The following SIPA1L3 variants were observed in gnomAD, a reference collection of about 807,000 sequenced individuals.
SIPA1L3 encodes signal-induced proliferation-associated 1-like protein 3.
A neutral mutation model predicts 150.1 loss-of-function variants in SIPA1L3; 59 were observed. The ratio of observed to expected loss-of-function variants is 0.39; its 90% CI spans 0.32 to 0.49. The LOEUF (loss-of-function observed/expected upper bound fraction) is 0.49. SIPA1L3 is among the 20% of genes least tolerant of loss of function. The pLI, the probability that SIPA1L3 is intolerant of heterozygous loss-of-function variation, is 0.86. For missense variants in SIPA1L3, 2,211 were observed against 2,489.5 expected, an observed-to-expected ratio of 0.89 and a Z score of 2.38; for synonymous variants, 1,070 against 1,077.6, an observed-to-expected ratio of 0.99 and a Z score of 0.14.
intron 14 of SIPA1L3, among the ~76,000 whole-genome samples, chr19:38,163,912 A>G (rs570403503): frequency 1.3e-5 from 2 of 152,242 alleles, no homozygotes; most frequent in Admixed American, 1.3e-4. Context: ...GTGGGGAATA[A>G]ACAGGGGGAT....
intron 15 of SIPA1L3, among the ~76,000 whole-genome samples, chr19:38,169,726 A>G (rs886480839): frequency 2.0e-5 from 3 of 152,252 alleles, no homozygotes; most frequent in African/African-American, 7.2e-5. Context: ...GACCTGTTAC[A>G]GGCAGTGCTG....
intron 15 of SIPA1L3, among the ~76,000 whole-genome samples, chr19:38,170,220 T>C (rs534653730): frequency 6.6e-6 from 1 of 152,158 alleles, no homozygotes; most frequent in Non-Finnish European, 1.5e-5. Context: ...GGACTCCCAC[T>C]GTCCATCTCA....
chr19:38,037,928 T>C (rs1268638714), intron 2 of SIPA1L3, among the ~76,000 whole-genome samples: 1 of 152,126 alleles, frequency 6.6e-6, no homozygotes, highest in Non-Finnish European at 1.5e-5. Context: ...TCTGTCACGG[T>C]GCCTTCATCT....
intron 2 of SIPA1L3, among the ~76,000 whole-genome samples, chr19:38,069,512 C>G (rs1487481245): frequency 6.6e-6 from 1 of 152,166 alleles, no homozygotes; most frequent in Non-Finnish European, 1.5e-5. Context: ...ACCCTCTTCT[C>G]TCTGCTCTCT....
intron 15 of SIPA1L3, among the ~76,000 whole-genome samples, chr19:38,176,374 T>G (rs192796296): frequency 4.1e-5 from 6 of 147,100 alleles, no homozygotes; most frequent in African/African-American, 7.5e-5. Flanking sequence ...TTAGGGTTGG[T>G]TTTTTTTTTG....
intron 4 of SIPA1L3, among the ~76,000 whole-genome samples, 190 bp from the exon 5 acceptor site, chr19:38,099,772 A>G (rs1970459632): frequency 1.3e-5 from 2 of 152,196 alleles, no homozygotes; most frequent in Admixed American, 1.3e-4. Context: ...ATATGAAGTC[A>G]CTTGGTCAAG....
intron 8 of SIPA1L3, among the ~76,000 whole-genome samples, chr19:38,116,073 T>G (rs949598205): frequency 6.6e-6 from 1 of 152,186 alleles, no homozygotes; most frequent in East Asian, 1.9e-4. Context: ...TCTCTATTTT[T>G]TTAAATTATC....
intron 2 of SIPA1L3, among the ~76,000 whole-genome samples, chr19:38,068,135 GC>G (rs1969638077): frequency 6.7e-6 from 1 of 150,374 alleles, no homozygotes; most frequent in Non-Finnish European, 1.5e-5. Context: ...CCATTCTCCT[GC>G]CTCAGCCTCC....
intron 9 of SIPA1L3, among the ~76,000 whole-genome samples, chr19:38,124,780 A>C (rs1301071002): frequency 1.3e-5 from 2 of 152,160 alleles, no homozygotes; most frequent in African/African-American, 4.8e-5. Flanking sequence ...CTGGCGGATC[A>C]CTCGCGGTTA....
Position 38,046,522 on chromosome 19 carries a change from G to A in SIPA1L3, c.-311+17366G>A, listed in dbSNP as rs1442710306. On this transcript the variant is annotated intron_variant, in intron 2 of 21. Coordinates refer to ENST00000222345, the MANE Select transcript of SIPA1L3 (RefSeq NM_015073.3). This position sits in a 1 kb window ranked among gnomAD's most constrained non-coding sequence, Gnocchi z 5.6. ...TGCCCTGGAAAGAGGCAGGGTGGCCGGGGAGGGGAGTTTCCAGATTACCTG... is the reference window on the plus strand; with the variant it reads ...TGCCCTGGAAAGAGGCAGGGTGGCCAGGGAGGGGAGTTTCCAGATTACCTG... 2.0e-5 allele frequency among the ~76,000 whole-genome samples: 3 copies of A among 152,322 alleles called. No homozygotes were observed. The highest frequency in any genetic ancestry group is 4.1e-4 in the South Asian group (2 of 4,824).
In SIPA1L3 at chr19:37,969,461, A is replaced by G. The variant is rs193014139; in HGVS notation, c.-378-59628A>G. Among the ~76,000 whole-genome samples, 44 of 150,560 alleles carry G rather than the reference A, an allele frequency of 2.9e-4. No homozygotes were observed. In the East Asian group the frequency reaches 8.8e-3, roughly 30 times the overall value. ...CAGCTACTTGGGAGGCTGAGGCATG[A>G]GAATTGCTTCAACCCGGGAGGTGGA... On this transcript the variant is annotated intron_variant, in intron 1 of 21. Coordinates refer to ENST00000222345, the MANE Select transcript of SIPA1L3 (RefSeq NM_015073.3).
At chr19:38,197,501 G>T (rs1025631887) in intron 18 of SIPA1L3, among the ~76,000 whole-genome samples, 25 of 151,494 alleles carry the variant, frequency 1.7e-4, no homozygotes, top group Admixed American at 1.6e-3. Context: ...ACCCCACCCC[G>T]TGTAAACACT....
intron 1 of SIPA1L3, among the ~76,000 whole-genome samples, chr19:37,932,905 G>A (rs1297318704): frequency 6.6e-6 from 1 of 152,018 alleles, no homozygotes; most frequent in Non-Finnish European, 1.5e-5. Context: ...CCCAAGAGAA[G>A]GAATCGGTGA....
intron 2 of SIPA1L3, among the ~76,000 whole-genome samples, chr19:38,043,874 G>T (rs1319576441): frequency 6.6e-6 from 1 of 152,158 alleles, no homozygotes; most frequent in Non-Finnish European, 1.5e-5. Flanking sequence ...ATAGGGGGAG[G>T]GTTCTGAGCA....
intron 12 of SIPA1L3, among the ~76,000 whole-genome samples, chr19:38,151,981 AAAT>A (rs1422128225): frequency 6.6e-6 from 1 of 151,034 alleles, no homozygotes; most frequent in Non-Finnish European, 1.5e-5. Flanking sequence ...AAAAAAAAAA[AAAT>A]AGAGAATGCC....
chr19:37,986,997 G>C (rs976939109), intron 1 of SIPA1L3, among the ~76,000 whole-genome samples: 1 of 151,956 alleles, frequency 6.6e-6, no homozygotes, highest in African/African-American at 2.4e-5. Flanking sequence ...GTGCGATCTC[G>C]GCTCACTGCA....
chr19:38,168,368 T>C lies in SIPA1L3; in HGVS notation c.4208+3462T>C, dbSNP rs187955216. On this transcript the variant is annotated intron_variant, in intron 15 of 21. Transcript: ENST00000222345. ...CACCACTACACTCCAGCCTGGGGAA[T>C]AGAATGAGACTCCATCTTAAAAAAC... 1.1e-3 allele frequency among the ~76,000 whole-genome samples: 169 copies of C among 151,536 alleles called. 1 individual carries two copies. The highest frequency in any genetic ancestry group is 3.4e-3 in the African/African-American group (139 of 41,262).
rs1394003143 is a variant in SIPA1L3 at position 38,082,433 on chromosome 19, G to C, written c.868G>C (p.Gly290Arg). The change falls in exon 3 of 22, where the codon GGC (glycine) becomes CGC (arginine). Residue 290 changes from glycine (G) to arginine (R), a missense_variant. Gly to Arg is a moderately radical substitution (Grantham distance 125). Transcript: ENST00000222345. ...KEKARKKPARGLGGGDTVDSS... is the reference protein window; with the variant it reads ...KEKARKKPARRLGGGDTVDSS... ...GAAGGCCCGGAAGAAACCTGCGCGG[G>C]GCCTCGGCGGCGGGGACACGGTGGA... The C allele has an allele frequency of 3.3e-5, 52 of 1,591,032 alleles. No individual in the cohort carries two copies. Among genetic ancestry groups the C allele is most frequent in the Non-Finnish European group, 4.4e-5 (52 of 1,171,624 alleles).
intron 15 of SIPA1L3, among the ~76,000 whole-genome samples, chr19:38,172,072 C>T (rs572831774): frequency 1.3e-5 from 2 of 152,276 alleles, no homozygotes; most frequent in African/African-American, 4.8e-5. Flanking sequence ...GGCAGCGAGA[C>T]AGGAGGCAAA....
Sources: gnomAD v4.1 joint callset for allele counts (sites outside exome capture counted in the v4.1 genomes callset) on GRCh38, gnomAD v4.1.1 for gene constraint, Gnocchi (gnomAD v3.1) non-coding constraint, MANE v1.5 for transcripts, NCBI Gene and HGNC (gene_info 2026-07-23, HGNC 2026-07-21) for gene names.